VAC14: variants seen among roughly 807,000 people sequenced by gnomAD.
VAC14 encodes protein VAC14 homolog.
In VAC14, 47 loss-of-function variants were observed where a neutral mutation model predicts 85.3. That is an observed-to-expected ratio of 0.55 (90% CI 0.44 to 0.70). VAC14 has a LOEUF of 0.70. VAC14 is among the 30% of genes least tolerant of loss of function. The pLI is 0.00. For missense variants in VAC14, 861 were observed against 1,004.3 expected (o/e 0.86, Z 1.93); for synonymous variants, 447 against 430.5 (o/e 1.04, Z -0.47).
chr16:70,791,922 A>G (rs575465698), intron 1 of VAC14, among the ~76,000 whole-genome samples: 2 of 152,288 alleles, frequency 1.3e-5, no homozygotes, highest in South Asian at 4.2e-4. Flanking sequence ...GGGTTAATCA[A>G]TACTGCATTT....
chr16:70,749,902 G>A (rs1484848899), intron 12 of VAC14, among the ~76,000 whole-genome samples: 1 of 152,238 alleles, frequency 6.6e-6, no homozygotes, highest in East Asian at 1.9e-4. Context: ...CCTGGTGAGA[G>A]GAAGGCCCTG....
chr16:70,745,863 C>A (rs2030843556), intron 12 of VAC14, among the ~76,000 whole-genome samples: 1 of 152,210 alleles, frequency 6.6e-6, no homozygotes, highest in Non-Finnish European at 1.5e-5. Flanking sequence ...TGGGACAGAG[C>A]CTGATGGGCA....
At chr16:70,711,884 G>A (rs2054042105) in intron 14 of VAC14, among the ~76,000 whole-genome samples, 1 of 152,200 alleles carries the variant, frequency 6.6e-6, no homozygotes, top group Non-Finnish European at 1.5e-5. Flanking sequence ...ACTCACCAGT[G>A]GTAACAAAGA....
intron 12 of VAC14, among the ~76,000 whole-genome samples, chr16:70,746,732 T>C (rs1006276494): frequency 1.3e-5 from 2 of 152,084 alleles, no homozygotes; most frequent in South Asian, 2.1e-4. Context: ...GGCACAGCAA[T>C]GAATGACGCC....
intron 9 of VAC14, among the ~76,000 whole-genome samples, chr16:70,777,846 T>G (rs943258225): frequency 6.6e-6 from 1 of 151,312 alleles, no homozygotes; most frequent in African/African-American, 2.4e-5. Context: ...TGGACCAGAG[T>G]GGGAACAGAG....
At chr16:70,730,022 C>G (rs2054544268) in intron 14 of VAC14, among the ~76,000 whole-genome samples, 1 of 152,046 alleles carries the variant, frequency 6.6e-6, no homozygotes, top group Non-Finnish European at 1.5e-5. Context: ...ACCTCGGGGA[C>G]TGGCATCACC....
intron 14 of VAC14, among the ~76,000 whole-genome samples, chr16:70,729,732 C>G (rs1418090854): frequency 6.6e-6 from 1 of 152,066 alleles, no homozygotes; most frequent in African/African-American, 2.4e-5. Flanking sequence ...CTCACTCGAC[C>G]TCTTCTTAAG....
At chr16:70,799,253 C>T (rs758898318) in intron 1 of VAC14, among the ~76,000 whole-genome samples, 1 of 152,172 alleles carries the variant, frequency 6.6e-6, no homozygotes. Flanking sequence ...GCCTATATAT[C>T]ATTTCTGGGT....
intron 14 of VAC14, among the ~76,000 whole-genome samples, chr16:70,723,727 G>A (rs1214177451): frequency 1.3e-5 from 2 of 152,034 alleles, no homozygotes; most frequent in Admixed American, 1.3e-4. Context: ...CCTGAGCTAT[G>A]GGGCTGGGGG....
intron 17 of VAC14, 127 bp from the exon 18 acceptor site, chr16:70,693,098 A>T (rs1567519003): frequency 8.3e-6 from 11 of 1,317,848 alleles, no homozygotes; most frequent in Non-Finnish European, 1.1e-5. Flanking sequence ...CAGCCCAAGG[A>T]CCCAGCTGTG....
chr16:70,703,186 C>T (rs1022969597), intron 14 of VAC14, among the ~76,000 whole-genome samples: 1 of 152,374 alleles, frequency 6.6e-6, no homozygotes, highest in Non-Finnish European at 1.5e-5. Flanking sequence ...AGTTGCCTGC[C>T]TGGCTCCCAA....
chr16:70,789,569 G>A (rs1360317725), intron 1 of VAC14, among the ~76,000 whole-genome samples: 1 of 152,228 alleles, frequency 6.6e-6, no homozygotes, highest in Non-Finnish European at 1.5e-5. Flanking sequence ...TCGATTCCCG[G>A]CCAATGCAGC....
intron 10 of VAC14, among the ~76,000 whole-genome samples, chr16:70,764,812 G>A (rs778666830): frequency 1.3e-5 from 2 of 152,318 alleles, no homozygotes; most frequent in African/African-American, 2.4e-5. Flanking sequence ...CGTGGCTGCC[G>A]CGGAGGCCCA....
In VAC14 at chr16:70,705,494, T is replaced by A. The variant is rs559621522; in HGVS notation, c.1662-6683A>T. The stretch of plus-strand genomic sequence containing the variant: ...GAGAAGTTCATGGGGAAATGGAGAC[T>A]GAAGCAACCATCCCCTCCCAGGGGC... On this transcript the variant is annotated intron_variant, in intron 14 of 18. Transcript: ENST00000261776. 9.8e-5 allele frequency among the ~76,000 whole-genome samples: 15 copies of A among 152,362 alleles called. No individual in the cohort carries two copies. In the East Asian group the frequency reaches 1.7e-3, roughly 18 times the overall value.
chr16:70,783,893 T>C (rs1468204708), intron 5 of VAC14, among the ~76,000 whole-genome samples: 1 of 152,178 alleles, frequency 6.6e-6, no homozygotes, highest in Non-Finnish European at 1.5e-5. Context: ...AGGAAAGAAC[T>C]GGACTCCCTT....
chr16:70,713,194 CA>C (rs2142996466), intron 14 of VAC14, among the ~76,000 whole-genome samples: 1 of 152,296 alleles, frequency 6.6e-6, no homozygotes, highest in African/African-American at 2.4e-5. Context: ...GTGCCTACTA[CA>C]GGGGGAGGCT....
At chr16:70,747,117 G>A (rs1018269606) in intron 12 of VAC14, 6 of 152,146 alleles carry the variant, frequency 3.9e-5, no homozygotes, top group Non-Finnish European at 7.3e-5. Flanking sequence ...GAAATGGAAC[G>A]TGGCACATCC....
intron 1 of VAC14, among the ~76,000 whole-genome samples, chr16:70,792,092 G>A (rs1449074895): frequency 2.0e-5 from 3 of 152,184 alleles, no homozygotes; most frequent in East Asian, 3.9e-4. Context: ...TGAAGGACAG[G>A]TGAAGGCGTC....
chr16:70,697,312 G>A (rs1334244957), intron 15 of VAC14, 55 bp from the exon 16 acceptor site: 35 of 1,464,368 alleles, frequency 2.4e-5, no homozygotes, highest in South Asian at 1.2e-4. Context: ...GCCCCTACCC[G>A]GTCCACGTGG....
Sources: allele counts gnomAD v4.1 joint callset (sites outside exome capture counted in the v4.1 genomes callset), GRCh38; gene constraint gnomAD v4.1.1; transcripts MANE v1.5; gene names NCBI Gene and HGNC (gene_info 2026-07-23, HGNC 2026-07-21).